Variants in LRRC7 observed in about 807,000 individuals in gnomAD.
LRRC7 encodes the protein leucine-rich repeat-containing protein 7.
A neutral mutation model predicts 175.7 loss-of-function variants in LRRC7; 23 were observed. That is an observed-to-expected ratio of 0.13 (90% CI 0.09 to 0.19). LRRC7 has a LOEUF of 0.19. Ranked by LOEUF, LRRC7 falls within the 10% of genes least tolerant of loss-of-function variation. The pLI is 1.00. For synonymous variants in LRRC7, 685 were observed against 680.9 expected (o/e 1.01, Z -0.09); for missense variants, 1,354 against 1,904.7 (o/e 0.71, Z 5.38).
At chr1:69,957,533 G>A (rs1435747411) in intron 8 of LRRC7, among the ~76,000 whole-genome samples, 1 of 151,614 alleles carries the variant, frequency 6.6e-6, no homozygotes, top group East Asian at 1.9e-4. Flanking sequence ...AGGTAATTGG[G>A]TATTATGTAG....
rs1666262538 is a variant in LRRC7 at position 70,122,465 on chromosome 1, A to G, written c.*578A>G. The stretch of plus-strand genomic sequence containing the variant: ...CTTTTTCAATAAAAATTACATGATA[A>G]TGCCTTATGAAAGTAACTGTACATA... On this transcript the variant is annotated 3_prime_UTR_variant, in exon 27 of 27. Coordinates refer to ENST00000651989, the MANE Select transcript of LRRC7 (RefSeq NM_001370785.2). The G allele has an allele frequency of 6.6e-6, 1 of 152,156 alleles. No individual in the cohort carries two copies. The highest frequency in any genetic ancestry group is 1.5e-5 in the Non-Finnish European group (1 of 67,980). 9.4% of individuals were successfully genotyped at this position (152,156 alleles called of 1,614,324 possible).
In LRRC7 at chr1:69,817,806, A is replaced by C. The variant is rs1229370081; in HGVS notation, c.422-7942A>C. 2.0e-5 allele frequency among the ~76,000 whole-genome samples: 3 copies of C among 151,970 alleles called. No individual in the cohort carries two copies. In the East Asian group the frequency reaches 5.8e-4, roughly 29 times the overall value. On this transcript the variant is annotated intron_variant, in intron 4 of 26. Transcript: ENST00000651989. ...TATTTTTGTCTTCAATCTTTTCATC[A>C]ATATTTTGAAGTTTTCAGTGATACA...
chr1:69,914,172 A>G (rs1029598275), intron 7 of LRRC7, among the ~76,000 whole-genome samples: 13 of 152,224 alleles, frequency 8.5e-5, no homozygotes, highest in African/African-American at 2.9e-4. Context: ...ACTGGAATGC[A>G]TAAGTCCATG....
At chr1:69,775,400 C>T (rs189480496) in intron 3 of LRRC7, among the ~76,000 whole-genome samples, 8 of 152,250 alleles carry the variant, frequency 5.3e-5, no homozygotes, top group South Asian at 2.1e-4. Context: ...CTGTCAACTC[C>T]GAAAGGCTGA....
chr1:69,983,331 T>C (rs925919417), intron 9 of LRRC7, among the ~76,000 whole-genome samples: 2 of 152,188 alleles, frequency 1.3e-5, no homozygotes, highest in African/African-American at 4.8e-5. Context: ...TAATTAAGGA[T>C]ATGTGCCCTC....
At chr1:69,926,673 C>T (rs541466035) in intron 7 of LRRC7, among the ~76,000 whole-genome samples, 2 of 152,002 alleles carry the variant, frequency 1.3e-5, no homozygotes, top group South Asian at 4.2e-4. Context: ...GATCTTCCTC[C>T]ATCCTTTTAT....
chr1:69,864,601 T>C (rs906915408), intron 7 of LRRC7, among the ~76,000 whole-genome samples: 9 of 152,182 alleles, frequency 5.9e-5, no homozygotes, highest in Admixed American at 5.9e-4. Context: ...TAGCCCTGTA[T>C]TTGAAGTGTC....
At chr1:70,119,135 G>GA (rs541417385) in intron 26 of LRRC7, among the ~76,000 whole-genome samples, 73 of 147,882 alleles carry the variant, frequency 4.9e-4, no homozygotes, top group African/African-American at 8.7e-4. Flanking sequence ...GAATTTACCT[G>GA]AAAAAAAAAC....
chr1:69,982,401 T>G (rs1393267955), intron 9 of LRRC7, among the ~76,000 whole-genome samples: 3 of 152,214 alleles, frequency 2.0e-5, no homozygotes, highest in Admixed American at 2.0e-4. Context: ...CCCAAAATAC[T>G]TGGCTTTGAA....
intron 2 of LRRC7, among the ~76,000 whole-genome samples, chr1:69,718,735 G>A (rs1397458821): frequency 6.6e-6 from 1 of 151,752 alleles, no homozygotes; most frequent in Non-Finnish European, 1.5e-5. Context: ...AGAAATAAGA[G>A]AAAAACTGAC....
chr1:70,096,510 C>T (rs1664408292), intron 25 of LRRC7, among the ~76,000 whole-genome samples: 2 of 151,724 alleles, frequency 1.3e-5, no homozygotes, highest in African/African-American at 4.8e-5. Flanking sequence ...TGGAATTAAA[C>T]ATTAAAATGA....
chr1:69,636,483 TAAAGGCTATGGTTA>T (rs1238350855), intron 1 of LRRC7, among the ~76,000 whole-genome samples: 2 of 151,770 alleles, frequency 1.3e-5, no homozygotes, highest in Non-Finnish European at 2.9e-5. Flanking sequence ...GTAGGAGGAT[TAAAGGCTATGGTTA>T]TCTAAACACC....
At chr1:69,910,841 G>A (rs1382715848) in intron 7 of LRRC7, among the ~76,000 whole-genome samples, 1 of 152,236 alleles carries the variant, frequency 6.6e-6, no homozygotes, top group Admixed American at 6.5e-5. Flanking sequence ...GAGCTGTGGT[G>A]GGCTCCACCC....
At chr1:69,707,512 C>G (rs995516276) in intron 2 of LRRC7, among the ~76,000 whole-genome samples, 2 of 152,014 alleles carry the variant, frequency 1.3e-5, no homozygotes, top group Non-Finnish European at 2.9e-5. Context: ...TTGGTGTTTC[C>G]TGGTATTCCC....
intron 8 of LRRC7, among the ~76,000 whole-genome samples, chr1:69,975,498 T>C (rs1183264159): frequency 6.6e-6 from 1 of 152,130 alleles, no homozygotes; most frequent in Non-Finnish European, 1.5e-5. Context: ...TGACGTCTTT[T>C]GTTTCTTCTA....
rs374252349 is a variant in LRRC7, at chr1:70,052,986, T to C, written c.4111-40T>C. ...TTTTCAGAAAACTATGGTAAACTTC[T>C]ACTACATCACTAAAGAATGCCATAC... On this transcript the variant is annotated intron_variant, in intron 22 of 26. Transcript: ENST00000651989. 4 of 1,549,450 alleles carry C rather than the reference T, an allele frequency of 2.6e-6. No individual in the cohort carries two copies. The African/African-American group carries it at 5.5e-5, about 21-fold the overall frequency.
chr1:69,887,791 T>C (rs981993496), intron 7 of LRRC7, among the ~76,000 whole-genome samples: 8 of 146,386 alleles, frequency 5.5e-5, no homozygotes, highest in African/African-American at 1.5e-4. Flanking sequence ...TACAGATGGG[T>C]TTTTGGTGTG....
chr1:69,786,482 C>T (rs535692450), intron 3 of LRRC7, among the ~76,000 whole-genome samples: 2 of 150,706 alleles, frequency 1.3e-5, no homozygotes, highest in Admixed American at 1.3e-4. Flanking sequence ...CTTTCACTTC[C>T]TCCCTGTATT....
intron 1 of LRRC7, among the ~76,000 whole-genome samples, chr1:69,677,313 C>T (rs1659910139): frequency 8.2e-6 from 1 of 121,942 alleles, no homozygotes; most frequent in Non-Finnish European, 1.8e-5. Context: ...TCTTTATCCA[C>T]TTATAGGGTG....
Sources: gnomAD v4.1 joint callset for allele counts (sites outside exome capture counted in the v4.1 genomes callset) on GRCh38, gnomAD v4.1.1 for gene constraint, MANE v1.5 for transcripts, NCBI Gene and HGNC (gene_info 2026-07-23, HGNC 2026-07-21) for gene names.